THADA: variants seen among roughly 807,000 people sequenced by gnomAD.
THADA encodes THADA armadillo repeat containing.
THADA carries 213 observed loss-of-function variants against 219.8 expected under a neutral mutation model. The observed-to-expected ratio is 0.97, with a 90% CI of 0.87 to 1.09. The LOEUF (loss-of-function observed/expected upper bound fraction) is 1.09, where lower values mean the gene tolerates loss of function less well. Ranked by LOEUF, THADA falls within the 50% of genes least tolerant of loss-of-function variation. The pLI, the probability that THADA is intolerant of heterozygous loss-of-function variation, is 0.00. For missense variants in THADA, 2,956 were observed against 2,311.3 expected (o/e 1.28, Z -5.72); for synonymous variants, 1,018 against 828.9 (o/e 1.23, Z -3.92).
chr2:43,266,818 G>C (rs1432665189), intron 36 of THADA, among the ~76,000 whole-genome samples: 1 of 152,158 alleles, frequency 6.6e-6, no homozygotes, highest in Admixed American at 6.5e-5. Flanking sequence ...ACTTAACCAG[G>C]TTGACTGGCA....
At chr2:43,414,756 G>C (rs948114124) in intron 28 of THADA, among the ~76,000 whole-genome samples, 5 of 152,138 alleles carry the variant, frequency 3.3e-5, no homozygotes, top group Non-Finnish European at 7.4e-5. Context: ...CTGCTTCTCT[G>C]ATAACAATCT....
intron 4 of THADA, among the ~76,000 whole-genome samples, chr2:43,589,682 G>A (rs911768587): frequency 6.6e-6 from 1 of 152,164 alleles, no homozygotes; most frequent in Non-Finnish European, 1.5e-5. Context: ...AGACTCAGGG[G>A]AAAGGGTGGG....
intron 33 of THADA, 49 bp from the exon 34 acceptor site, chr2:43,291,817 T>C (rs1674763394): frequency 1.4e-6 from 2 of 1,467,988 alleles, no homozygotes; most frequent in Non-Finnish European, 9.3e-7. Flanking sequence ...CAATCAGACA[T>C]ATTTCATACA....
At chr2:43,452,965 A>C (rs574623616) in intron 26 of THADA, among the ~76,000 whole-genome samples, 1 of 152,276 alleles carries the variant, frequency 6.6e-6, no homozygotes, top group Non-Finnish European at 1.5e-5. Flanking sequence ...TCAAACCAGA[A>C]AAGAGTGTGT....
chr2:43,512,939 A>G (rs942224514), intron 22 of THADA, among the ~76,000 whole-genome samples: 1 of 152,198 alleles, frequency 6.6e-6, no homozygotes, highest in Non-Finnish European at 1.5e-5. Context: ...TCATTCTTGG[A>G]ACAAACTATG....
rs115501524 is a variant in THADA, at chr2:43,243,291, C to T, written c.5297-10409G>A. 4.3e-3 allele frequency among the ~76,000 whole-genome samples: 660 copies of T among 152,244 alleles called. 4 individuals carry two copies. Among genetic ancestry groups the T allele is most frequent in the African/African-American group, 0.015 (609 of 41,540 alleles). The stretch of plus-strand genomic sequence containing the variant: ...ACACTGCTCCTAGGGTACATCTGCC[C>T]GTGTCTGGAGACATTTTTGGTTGTC... On this transcript the variant is annotated intron_variant, in intron 36 of 37. Coordinates refer to ENST00000405975, the MANE Select transcript of THADA (RefSeq NM_022065.5).
intron 30 of THADA, among the ~76,000 whole-genome samples, chr2:43,326,299 AGGGCCTTGGCAGAGAGTTGGAGAAT>A (rs1679327882): frequency 6.6e-6 from 1 of 152,088 alleles, no homozygotes; most frequent in Non-Finnish European, 1.5e-5. Flanking sequence ...TGAGTCAGGA[AGGGCCTTGGCAGAGAGTTGGAGAAT>A]GGGGAGGAGG....
chr2:43,253,186 A>T (rs1290802028), intron 36 of THADA, among the ~76,000 whole-genome samples: 1 of 152,224 alleles, frequency 6.6e-6, no homozygotes, highest in East Asian at 1.9e-4. Context: ...TTGTATGAGA[A>T]GGAGCCACTG....
At chr2:43,556,150 A>G in intron 17 of THADA, 195 bp downstream of exon 17, 1 of 1,203,000 alleles carries the variant, frequency 8.3e-7, no homozygotes, top group Non-Finnish European at 1.1e-6. Flanking sequence ...ATTCAACATA[A>G]ATCCACTGTT....
intron 26 of THADA, among the ~76,000 whole-genome samples, chr2:43,467,792 C>T (rs1034073512): frequency 1.1e-5 from 1 of 93,506 alleles, no homozygotes; most frequent in African/African-American, 4.1e-5. Flanking sequence ...ACTGACTAAA[C>T]GATCTACACT....
At chr2:43,284,029 A>G (rs1018850769) in intron 35 of THADA, among the ~76,000 whole-genome samples, 1 of 152,190 alleles carries the variant, frequency 6.6e-6, no homozygotes, top group African/African-American at 2.4e-5. Context: ...AAGTACAAAA[A>G]TTAGCCAGGC....
At chr2:43,388,190 A>G (rs1234208502) in intron 29 of THADA, among the ~76,000 whole-genome samples, 2 of 152,246 alleles carry the variant, frequency 1.3e-5, no homozygotes, top group Non-Finnish European at 2.9e-5. Flanking sequence ...TACTATTTTT[A>G]TTGGTTGGGA....
intron 28 of THADA, among the ~76,000 whole-genome samples, chr2:43,410,588 G>T (rs1676160554): frequency 6.6e-6 from 1 of 152,148 alleles, no homozygotes; most frequent in Admixed American, 6.5e-5. Flanking sequence ...CTAACAACAT[G>T]GCTGAATCTC....
intron 26 of THADA, among the ~76,000 whole-genome samples, chr2:43,441,589 C>G (rs1236746461): frequency 3.9e-5 from 6 of 152,132 alleles, no homozygotes; most frequent in Admixed American, 6.5e-5. Flanking sequence ...CATCTTGAAT[C>G]CAGAAATTAG....
intron 21 of THADA, among the ~76,000 whole-genome samples, chr2:43,534,932 C>G (rs1051313016): frequency 1.3e-5 from 2 of 152,102 alleles, no homozygotes; most frequent in African/African-American, 2.4e-5. Context: ...CTGTTCTCCA[C>G]AGTAGCTATA....
At chr2:43,540,841 A>G (rs926541639) in intron 21 of THADA, among the ~76,000 whole-genome samples, 1 of 152,220 alleles carries the variant, frequency 6.6e-6, no homozygotes. Flanking sequence ...GTTTTACTAA[A>G]TAAGACAATT....
chr2:43,454,583 CAGA>C (rs1364840736), intron 26 of THADA, among the ~76,000 whole-genome samples: 1 of 144,758 alleles, frequency 6.9e-6, no homozygotes, highest in Non-Finnish European at 1.5e-5. Context: ...GCTTCAGTGA[CAGA>C]AGGAGACCCT....
At chr2:43,427,207 G>A (rs183353381) in intron 28 of THADA, among the ~76,000 whole-genome samples, 3 of 152,288 alleles carry the variant, frequency 2.0e-5, no homozygotes, top group East Asian at 1.9e-4. Flanking sequence ...TGAAGAGGCA[G>A]ATGTCCTGAC....
chr2:43,263,950 A>G (rs1671242614), intron 36 of THADA, among the ~76,000 whole-genome samples: 1 of 151,822 alleles, frequency 6.6e-6, no homozygotes, highest in Non-Finnish European at 1.5e-5. Flanking sequence ...CTGTCTCCCC[A>G]AATTTCCCCA....
Sources: gnomAD v4.1 joint callset for allele counts (sites outside exome capture counted in the v4.1 genomes callset) on GRCh38, gnomAD v4.1.1 for gene constraint, MANE v1.5 for transcripts, NCBI Gene and HGNC (gene_info 2026-07-23, HGNC 2026-07-21) for gene names.